Variants in IGBP1 observed in about 807,000 individuals in gnomAD.
IGBP1 encodes immunoglobulin-binding protein 1.
In IGBP1, 2 loss-of-function variants were observed where a neutral mutation model predicts 25.9. The ratio of observed to expected loss-of-function variants is 0.08; its 90% CI spans 0.03 to 0.24. The LOEUF is 0.24. Among genes scored for constraint, IGBP1 ranks in the 10% least tolerant of loss-of-function variants. IGBP1 has a pLI of 1.00. For synonymous variants in IGBP1, 96 were observed against 93.4 expected (o/e 1.03, Z -0.16); for missense variants, 187 against 260.4 (o/e 0.72, Z 1.94).
chrX:70,153,110 A>G (rs1387476185), intron 6 of IGBP1, among the ~76,000 whole-genome samples: 2 of 112,393 alleles, frequency 1.8e-5, no homozygotes, highest in Non-Finnish European at 3.7e-5. Context: ...GATATACATT[A>G]TTGCTGAATT....
At chrX:70,150,777 T>C (rs1252287575) in intron 6 of IGBP1, among the ~76,000 whole-genome samples, 1 of 112,098 alleles carries the variant, frequency 8.9e-6, no homozygotes, top group African/African-American at 3.2e-5. Context: ...TTGGAATTCA[T>C]TGAGGGCAGG....
chrX:70,146,312 C>T (rs768287090), intron 3 of IGBP1, among the ~76,000 whole-genome samples: 1 of 110,772 alleles, frequency 9.0e-6, no homozygotes, highest in South Asian at 3.9e-4. Context: ...TGTTGCGATA[C>T]TAAGCACCCA....
At chrX:70,154,217 C>T (rs2085222462) in intron 6 of IGBP1, among the ~76,000 whole-genome samples, 1 of 108,914 alleles carries the variant, frequency 9.2e-6, no homozygotes, top group Admixed American at 9.8e-5. Flanking sequence ...CAGGCGCCCG[C>T]CATCACACCC....
At chrX:70,151,838 A>G (rs2085205214) in intron 6 of IGBP1, among the ~76,000 whole-genome samples, 1 of 111,403 alleles carries the variant, frequency 9.0e-6, no homozygotes, top group African/African-American at 3.3e-5. Flanking sequence ...AGATCACGCC[A>G]CTGCACTCCA....
intron 6 of IGBP1, among the ~76,000 whole-genome samples, chrX:70,164,451 A>G (rs2085286761): frequency 8.9e-6 from 1 of 112,098 alleles, no homozygotes; most frequent in Admixed American, 9.5e-5. Flanking sequence ...TTGGGGTTAT[A>G]GAATTTTTTA....
intron 3 of IGBP1, among the ~76,000 whole-genome samples, chrX:70,144,848 T>C (rs1384733950): frequency 9.4e-6 from 1 of 106,726 alleles, no homozygotes; most frequent in Non-Finnish European, 1.9e-5. Flanking sequence ...TTAGTAGAGA[T>C]GGGGTTTCAC....
intron 3 of IGBP1, among the ~76,000 whole-genome samples, chrX:70,142,711 C>T (rs960226912): frequency 4.6e-5 from 5 of 109,266 alleles, no homozygotes; most frequent in African/African-American, 1.7e-4. Context: ...CTTAGCTACT[C>T]GGGAGGCTGA....
intron 5 of IGBP1, 63 bp from the exon 6 acceptor site, chrX:70,150,147 G>GT (rs749580092): frequency 1.2e-4 from 80 of 669,009 alleles, no homozygotes; most frequent in East Asian, 3.7e-4. Context: ...GTAGTACTGG[G>GT]TTTTTTTTGT....
chrX:70,134,382 T>C (rs2085082261), intron 2 of IGBP1, 141 bp from the exon 3 acceptor site: 1 of 660,085 alleles, frequency 1.5e-6, no homozygotes, highest in Non-Finnish European at 2.4e-6. Context: ...GCCACTTTCA[T>C]TGAGTGAAAC....
intron 3 of IGBP1, among the ~76,000 whole-genome samples, chrX:70,141,225 T>C (rs2085127611): frequency 9.1e-6 from 1 of 110,143 alleles, no homozygotes; most frequent in Admixed American, 9.7e-5. Context: ...TAGGCACCTG[T>C]AATCCCAGCT....
intron 3 of IGBP1, among the ~76,000 whole-genome samples, chrX:70,136,864 G>A (rs1466213277): frequency 9.1e-6 from 1 of 109,784 alleles, no homozygotes; most frequent in African/African-American, 3.3e-5. Context: ...CTGCCACCAC[G>A]CCCGGCTAGT....
chrX:70,150,731 G>C (rs2085197607), intron 6 of IGBP1, among the ~76,000 whole-genome samples: 1 of 112,103 alleles, frequency 8.9e-6, no homozygotes. Flanking sequence ...GGTGTAAGCT[G>C]AAGGGCAGTC....
intron 3 of IGBP1, among the ~76,000 whole-genome samples, chrX:70,142,109 G>A (rs2147571945): frequency 8.9e-6 from 1 of 111,754 alleles, no homozygotes; most frequent in African/African-American, 3.3e-5. Flanking sequence ...AAGGCGGGCA[G>A]ATTGTTTGAG....
In IGBP1 at chrX:70,133,581, C is replaced by T. The variant is rs1023146130; in HGVS notation, c.-226+41C>T. On this transcript the variant is annotated intron_variant, in intron 1 of 6. Transcript: ENST00000356413. Reference sequence around the variant, plus strand: ...GACTGGCTCCTAAAACGCACTCGCTCGTCCGCACTCCTCGCGCTCCGAATT... The same window carrying T: ...GACTGGCTCCTAAAACGCACTCGCTTGTCCGCACTCCTCGCGCTCCGAATT... 5 of 393,269 alleles carry T rather than the reference C, an allele frequency of 1.3e-5. No individual in the cohort carries two copies. The Admixed American group carries it at 2.5e-4, about 20-fold the overall frequency. The allele number at this position is 393,269 out of a possible 1,213,427, so 32.4% of individuals were successfully genotyped here.
rs150023356 is a variant in IGBP1 at position 70,145,534 on chromosome X, T to C, written c.483-1099T>C. On this transcript the variant is annotated intron_variant, in intron 3 of 6. Transcript: ENST00000356413. The stretch of plus-strand genomic sequence containing the variant: ...TATGTCACTCTATTCATGTCATGTA[T>C]TCAAAAGCCTCCAGTGGCTTTCCCA... 2.1e-3 allele frequency among the ~76,000 whole-genome samples: 234 copies of C among 111,428 alleles called. 2 individuals carry two copies. In the East Asian group the frequency reaches 0.062, roughly 30 times the overall value.
chrX:70,165,462 TC>T (rs1352077530), intron 6 of IGBP1, among the ~76,000 whole-genome samples: 1 of 110,197 alleles, frequency 9.1e-6, no homozygotes, highest in Non-Finnish European at 1.9e-5. Context: ...ATTTTTTCTT[TC>T]CTGTTTTTGG....
At chrX:70,150,369 C>A (rs918732591) in intron 6 of IGBP1, 47 bp downstream of exon 6, 1 of 795,964 alleles carries the variant, frequency 1.3e-6, no homozygotes, top group Admixed American at 2.3e-5. Context: ...GTCTTTTACT[C>A]CCTGGCAATT....
chrX:70,134,469 G>A (rs1014696464), intron 2 of IGBP1, 54 bp from the exon 3 acceptor site: 1 of 1,149,734 alleles, frequency 8.7e-7, no homozygotes, highest in African/African-American at 1.8e-5. Context: ...AGAAAGCAAG[G>A]GCCACAATTT....
intron 5 of IGBP1, 79 bp from the exon 6 acceptor site, chrX:70,150,131 C>A: frequency 1.7e-6 from 1 of 581,907 alleles, no homozygotes. Flanking sequence ...GTTAGAGAGA[C>A]TTTTTGTAGT....
Sources: allele counts gnomAD v4.1 joint callset (sites outside exome capture counted in the v4.1 genomes callset), GRCh38; gene constraint gnomAD v4.1.1; transcripts MANE v1.5; gene names NCBI Gene and HGNC (gene_info 2026-07-23, HGNC 2026-07-21).